GCHFR: variants seen among roughly 807,000 people sequenced by gnomAD.
GCHFR encodes GTP cyclohydrolase I feedback regulator, also known as GTP cyclohydrolase 1 feedback regulatory protein.
A neutral mutation model predicts 10.6 loss-of-function variants in GCHFR; 12 were observed. The observed-to-expected ratio is 1.13, with a 90% CI of 0.72 to 1.83. GCHFR has a LOEUF of 1.83. GCHFR is among the 40% of genes most tolerant of loss of function. The pLI is 0.00. For synonymous variants in GCHFR, 54 were observed against 43.7 expected, an observed-to-expected ratio of 1.24 and a Z score of -0.93; for missense variants, 116 against 110.6, an observed-to-expected ratio of 1.05 and a Z score of -0.22.
intron 1 of GCHFR, 107 bp downstream of exon 1, chr15:40,764,323 G>A: frequency 3.0e-6 from 3 of 1,002,460 alleles, no homozygotes; most frequent in Non-Finnish European, 4.1e-6. Flanking sequence ...GACTGGACCG[G>A]GAACCCGCCC....
chr15:40,765,322 C>T (rs1888924818), intron 1 of GCHFR: 1 of 152,360 alleles, frequency 6.6e-6, no homozygotes, highest in Admixed American at 6.5e-5. Flanking sequence ...AAAGGAAACC[C>T]TGTACCCACT....
In GCHFR at chr15:40,767,342, A is replaced by G; in HGVS notation, c.248A>G (p.Lys83Arg). 1 of 1,598,504 alleles carries G rather than the reference A, an allele frequency of 6.3e-7. No individual in the cohort carries two copies. The highest frequency in any genetic ancestry group is 8.5e-7 in the Non-Finnish European group (1 of 1,173,722). ...CAGACGCTGGTGTGGTGTCTGCACA[A>G]GGAGTGACCTTCTCATGCTGATTTG... ...VGQTLVWCLHKE is the reference protein window; with the variant it reads ...VGQTLVWCLHRE Residue 83 changes from lysine (K) to arginine (R), a missense_variant, in exon 3 of 3, where the codon AAG (lysine) becomes AGG (arginine). Physicochemically the swap from Lys to Arg is conservative, Grantham distance 26. Transcript: ENST00000260447.
chr15:40,765,988 A>G, intron 2 of GCHFR, 67 bp downstream of exon 2: 2 of 742,190 alleles, frequency 2.7e-6, no homozygotes, highest in Non-Finnish European at 4.4e-6. Context: ...CTCCCTTTAT[A>G]CAACCTCCAA....
In GCHFR at chr15:40,764,194, T is replaced by C; in HGVS notation, c.14T>C (p.Leu5Pro). 1 of 1,559,538 alleles carries C rather than the reference T, an allele frequency of 6.4e-7. No homozygotes were observed. Among genetic ancestry groups the C allele is most frequent in the Non-Finnish European group, 8.7e-7 (1 of 1,152,904 alleles). MPYL[L>P]ISTQIRMEVG... is the part of the protein sequence containing the mutation. Reference sequence around the variant, plus strand: ...GACGCGTGCACCATGCCCTACCTGCTCATCAGCACCCAGATCCGCATGGTG... The same window carrying C: ...GACGCGTGCACCATGCCCTACCTGCCCATCAGCACCCAGATCCGCATGGTG... Residue 5 changes from leucine to proline, a missense_variant, in exon 1 of 3, where the codon CTC becomes CCC. Transcript: ENST00000260447.
In GCHFR at chr15:40,764,200, G is replaced by C; in HGVS notation, c.20G>C (p.Ser7Thr). ...TGCACCATGCCCTACCTGCTCATCA[G>C]CACCCAGATCCGCATGGTGAGTACC... MPYLLI[S>T]TQIRMEVGPT... Residue 7 changes from serine (S) to threonine (T), a missense_variant, in exon 1 of 3, where the codon AGC becomes ACC. Ser to Thr is a moderately conservative substitution (Grantham distance 58). Transcript: ENST00000260447. The C allele has an allele frequency of 6.4e-7, 1 of 1,560,006 alleles. No homozygotes were observed. Among genetic ancestry groups the C allele is most frequent in the Non-Finnish European group, 8.7e-7 (1 of 1,153,142 alleles).
At chr15:40,764,553 C>G in intron 1 of GCHFR, 1 of 345,200 alleles carries the variant, frequency 2.9e-6, no homozygotes, top group Non-Finnish European at 5.3e-6. Context: ...GCACCTAGTG[C>G]CCTGCACAGA....
At chr15:40,765,293 G>C (rs1179334120) in intron 1 of GCHFR, 1 of 152,126 alleles carries the variant, frequency 6.6e-6, no homozygotes, top group Admixed American at 6.6e-5. Context: ...ATCAGTTTTA[G>C]AACATTTCTA....
chr15:40,765,959 GCCCCTAGACCTGCCT>G, intron 2 of GCHFR, 38 bp downstream of exon 2: 1 of 1,124,502 alleles, frequency 8.9e-7, no homozygotes, highest in Middle Eastern at 2.0e-4. Context: ...CTCCCTGCCA[GCCCCTAGACCTGCCT>G]CTGCTCCCTT....
In GCHFR at chr15:40,765,913, A is replaced by T; in HGVS notation, c.123A>T (p.Gly41=). 2 of 1,557,024 alleles carry T rather than the reference A, an allele frequency of 1.3e-6. No individual in the cohort carries two copies. Among genetic ancestry groups the T allele is most frequent in the Non-Finnish European group, 1.8e-6 (2 of 1,138,524 alleles). ...HLGASKRRAL[G]NNFYEYYVDD... ...GGGCTTCAAAGAGAAGAGCCTTGGG[A>T]AACAACTTGTAAGTAGCAGCCTCCC... Residue 41 remains glycine, a synonymous_variant, in exon 2 of 3, where the codon GGA becomes GGT. Coordinates refer to ENST00000260447, the MANE Select transcript of GCHFR (RefSeq NM_005258.3).
chr15:40,764,874 C>T (rs935506094), intron 1 of GCHFR, among the ~76,000 whole-genome samples: 1 of 152,202 alleles, frequency 6.6e-6, no homozygotes, highest in African/African-American at 2.4e-5. Flanking sequence ...TTCTGATTGC[C>T]CCTCAGGAGT....
chr15:40,764,281 T>C, intron 1 of GCHFR, 65 bp downstream of exon 1: 1 of 1,429,786 alleles, frequency 7.0e-7, no homozygotes, highest in South Asian at 1.3e-5. Flanking sequence ...GACTGCACCT[T>C]CATGCCTCCC....
Position 40,767,477 on chromosome 15 carries a change from C to A in GCHFR, c.*128C>A, listed in dbSNP as rs571040859. On this transcript the variant is annotated 3_prime_UTR_variant, in exon 3 of 3. Coordinates refer to ENST00000260447, the MANE Select transcript of GCHFR (RefSeq NM_005258.3). ...CAAATCATCACCGCCATGGGCCCAG[C>A]CCCAAAGGGCAGTGAATGGCCTTCT... The A allele has an allele frequency of 1.2e-5, 13 of 1,102,138 alleles. No homozygotes were observed. In the Admixed American group the frequency reaches 1.5e-4, roughly 13 times the overall value. 68.3% of individuals were successfully genotyped at this position (1,102,138 alleles called of 1,614,324 possible).
chr15:40,767,415 A>G lies in GCHFR; in HGVS notation c.*66A>G. The stretch of plus-strand genomic sequence containing the variant: ...GGGCTGCTGTGGGCCCTGACCTCCA[A>G]GCTCCTGCCTCACCGTCTGCCTTGC... On this transcript the variant is annotated 3_prime_UTR_variant, in exon 3 of 3. Transcript: ENST00000260447. 1 of 1,492,766 alleles carries G rather than the reference A, an allele frequency of 6.7e-7. No individual in the cohort carries two copies. The highest frequency in any genetic ancestry group is 9.0e-7 in the Non-Finnish European group (1 of 1,115,014). The allele number at this position is 1,492,766 out of a possible 1,614,324, so 92.5% of individuals were successfully genotyped here.
rs1209176110 is a variant in GCHFR at position 40,764,227 on chromosome 15, G to A, written c.36+11G>A. 6.4e-7 allele frequency: 1 copy of A among 1,550,746 alleles called. No individual in the cohort carries two copies. Among genetic ancestry groups the A allele is most frequent in the Non-Finnish European group, 8.7e-7 (1 of 1,147,838 alleles). ...ACCCAGATCCGCATGGTGAGTACCG[G>A]CCGCCTGGCGACTTGGAGCCGGGAC... On this transcript the variant is annotated intron_variant, in intron 1 of 2. Transcript: ENST00000260447.
At chr15:40,766,711 C>T (rs1330536376) in intron 2 of GCHFR, 1 of 152,466 alleles carries the variant, frequency 6.6e-6, no homozygotes, top group Non-Finnish European at 1.5e-5. Flanking sequence ...CGCACAGAGC[C>T]AGGAGCTACT....
In GCHFR at chr15:40,764,074, G is replaced by A. The variant is rs1217650925; in HGVS notation, c.-107G>A. 8 of 1,119,346 alleles carry A rather than the reference G, an allele frequency of 7.1e-6. No individual in the cohort carries two copies. The highest frequency in any genetic ancestry group is 1.6e-5 in the African/African-American group (1 of 61,628). 69.3% of individuals were successfully genotyped at this position (1,119,346 alleles called of 1,614,324 possible). ...ATTGACGCCGCCTGTGGCCAGAGCC[G>A]GAGTAACGGGACTCCCAGCTGCGCG... On this transcript the variant is annotated 5_prime_UTR_variant, in exon 1 of 3. Transcript: ENST00000260447.
intron 1 of GCHFR, chr15:40,764,588 C>G (rs2412552): frequency 0.029 from 7,221 of 251,270 alleles, 532 homozygotes; most frequent in African/African-American, 0.15. Flanking sequence ...GAAAAAAGGG[C>G]GAATAACCTG....
Position 40,767,349 on chromosome 15 carries a change from AC to A in GCHFR, c.*2del. 1.3e-6 allele frequency: 2 copies of A among 1,596,140 alleles called. No homozygotes were observed. The highest frequency in any genetic ancestry group is 1.7e-6 in the Non-Finnish European group (2 of 1,172,556). The stretch of plus-strand genomic sequence containing the variant: ...TGGTGTGGTGTCTGCACAAGGAGTG[AC>A]CTTCTCATGCTGATTTGCAGACGGG... On this transcript the variant is annotated 3_prime_UTR_variant, in exon 3 of 3. Transcript: ENST00000260447.
At chr15:40,765,761 G>C (rs1888933243) in intron 1 of GCHFR, 66 bp from the exon 2 acceptor site, 1 of 717,510 alleles carries the variant, frequency 1.4e-6, no homozygotes, top group East Asian at 2.9e-5. Context: ...AGGGGAGGAA[G>C]GACAGGCAAG....
Sources: allele counts gnomAD v4.1 joint callset (sites outside exome capture counted in the v4.1 genomes callset), GRCh38; gene constraint gnomAD v4.1.1; transcripts MANE v1.5; gene names NCBI Gene and HGNC (gene_info 2026-07-23, HGNC 2026-07-21).